HCRTR1: variants seen among roughly 807,000 people sequenced by gnomAD.
HCRTR1 encodes the protein orexin/Hypocretin receptor type 1.
In HCRTR1, 28 loss-of-function variants were observed where a neutral mutation model predicts 40.6. The ratio of observed to expected loss-of-function variants is 0.69; its 90% CI spans 0.51 to 0.95. The LOEUF (loss-of-function observed/expected upper bound fraction) is 0.95, where lower values mean the gene tolerates loss of function less well. Ranked by LOEUF, HCRTR1 falls within the 40% of genes least tolerant of loss-of-function variation. The pLI is 0.00. For synonymous variants in HCRTR1, 209 were observed against 230.0 expected (o/e 0.91, Z 0.83); for missense variants, 482 against 564.7 (o/e 0.85, Z 1.48).
chr1:31,632,736 G>C, downstream of HCRTR1: 1 of 1,414,922 alleles, frequency 7.1e-7, no homozygotes, highest in Non-Finnish European at 9.5e-7. Flanking sequence ...CTCCAGGCTG[G>C]AGTAGGCGAC....
downstream of HCRTR1, chr1:31,632,460 T>G (rs747864929): frequency 1.2e-6 from 2 of 1,614,230 alleles, no homozygotes; most frequent in South Asian, 2.2e-5. Context: ...AGTCTAGCTC[T>G]GTCCTGCCCA....
chr1:31,632,308 T>C, downstream of HCRTR1: 1 of 1,011,030 alleles, frequency 9.9e-7, no homozygotes, highest in Non-Finnish European at 1.5e-6. Context: ...TTCCTTGCCC[T>C]GGCTCTTGGC....
intron 6 of HCRTR1, among the ~76,000 whole-genome samples, chr1:31,622,865 G>T (rs1349682561): frequency 6.7e-6 from 1 of 148,796 alleles, no homozygotes; most frequent in Non-Finnish European, 1.5e-5. Context: ...TACCCTCAAA[G>T]ATAGTGTTGG....
intron 7 of HCRTR1, among the ~76,000 whole-genome samples, chr1:31,624,176 G>C (rs371939453): frequency 2.6e-5 from 4 of 152,236 alleles, no homozygotes; most frequent in African/African-American, 9.6e-5. Context: ...AAAAAGCAGG[G>C]GGCCGGGTGC....
rs139073359 is a variant in HCRTR1 at position 31,623,183 on chromosome 1, G to T, written c.739-340G>T. On this transcript the variant is annotated intron_variant, in intron 6 of 8. Transcript: ENST00000403528. Reference sequence around the variant, plus strand: ...ATCTCTACTAAAAATACAAAACTTAGCCCGGTGTGGTGGCGCACACCTGTA... The same window carrying T: ...ATCTCTACTAAAAATACAAAACTTATCCCGGTGTGGTGGCGCACACCTGTA... Among the ~76,000 whole-genome samples the T allele has an allele frequency of 7.9e-5, 12 of 151,726 alleles. No individual in the cohort carries two copies. The East Asian group carries it at 2.3e-3, about 29-fold the overall frequency.
chr1:31,628,617 C>T (rs763743717), downstream of HCRTR1, among the ~76,000 whole-genome samples: 13 of 152,248 alleles, frequency 8.5e-5, no homozygotes, highest in Non-Finnish European at 7.3e-5. Context: ...TTGGCACCAT[C>T]GGGTTTCAGC....
intron 4 of HCRTR1, 28 bp from the exon 5 acceptor site, chr1:31,620,815 T>C: frequency 6.2e-7 from 1 of 1,603,612 alleles, no homozygotes; most frequent in African/African-American, 1.3e-5. Context: ...GCCCCCAAAA[T>C]GACCGACGTT....
Position 31,626,978 on chromosome 1 carries a change from T to C in HCRTR1, c.1276T>C (p.Ter426ArgextTer25), listed in dbSNP as rs1264078522. The change falls in exon 9 of 9, where the codon TGA becomes CGA. Residue 426 changes from the stop codon to arginine (R), a stop_lost. Transcript: ENST00000403528. The surrounding 1 kb of genome is among the most constrained non-coding windows in gnomAD (Gnocchi z 4.6). ...VLTSVTTVLP[*>R] ...CACCAGCGTCACCACAGTGCTGCCC[T>C]GAGCGAGGGCTGCCCTGGAGGCTCC... is the stretch of plus-strand genomic sequence containing the variant. 7 of 1,609,914 alleles carry C rather than the reference T, an allele frequency of 4.3e-6. No homozygotes were observed. The highest frequency in any genetic ancestry group is 5.9e-6 in the Non-Finnish European group (7 of 1,178,734).
intron 4 of HCRTR1, 37 bp from the exon 5 acceptor site, chr1:31,620,806 C>A (rs16834629): frequency 6.3e-7 from 1 of 1,598,114 alleles, no homozygotes; most frequent in Non-Finnish European, 8.5e-7. Flanking sequence ...CGCTGGGTGG[C>A]CCCCAAAATG....
At chr1:31,633,252 G>C, downstream of HCRTR1, 1 of 1,614,076 alleles carries the variant, frequency 6.2e-7, no homozygotes, top group Non-Finnish European at 8.5e-7. Context: ...TAGCCACTGT[G>C]ATCTGAGTCC....
chr1:31,619,540 G>A lies in HCRTR1; in HGVS notation c.208G>A (p.Ala70Thr), dbSNP rs973396791. Reference protein sequence around the residue: ...ALVGNTLVCLAVWRNHHMRTV... With the variant: ...ALVGNTLVCLTVWRNHHMRTV... ...CTCGCTGCACCCTGCAGTCTGCCTG[G>A]CCGTGTGGCGGAACCACCACATGAG... Residue 70 changes from alanine (A) to threonine (T), a missense_variant, in exon 4 of 9, where the codon GCC (alanine) becomes ACC (threonine). Transcript: ENST00000403528. 2 of 1,613,946 alleles carry A rather than the reference G, an allele frequency of 1.2e-6. No individual in the cohort carries two copies. Among genetic ancestry groups the A allele is most frequent in the African/African-American group, 1.3e-5 (1 of 74,936 alleles).
chr1:31,620,134 C>A (rs1352850191), intron 4 of HCRTR1, among the ~76,000 whole-genome samples: 1 of 152,196 alleles, frequency 6.6e-6, no homozygotes, highest in African/African-American at 2.4e-5. Context: ...CCAGGAAAGA[C>A]CCCAGTGGTG....
downstream of HCRTR1, among the ~76,000 whole-genome samples, chr1:31,627,892 G>A (rs1035509228): frequency 6.6e-6 from 1 of 152,226 alleles, no homozygotes; most frequent in Admixed American, 6.5e-5. Flanking sequence ...AAGGGGGGCC[G>A]GGTGGGCAGA....
intron 6 of HCRTR1, 31 bp downstream of exon 6, chr1:31,621,623 A>G (rs767278739): frequency 6.8e-7 from 1 of 1,460,238 alleles, no homozygotes; most frequent in Non-Finnish European, 9.6e-7. Context: ...GGGCTAGGCC[A>G]GTCACTGTGT....
In HCRTR1 at chr1:31,621,580, C is replaced by T. The variant is rs201931199; in HGVS notation, c.726C>T (p.Leu242=). ...CCTATTTCCAGATATTCCGCAAGCTCTGGGGCCGCCAGGTGAGGCCCACTC... is the reference window on the plus strand; with the variant it reads ...CCTATTTCCAGATATTCCGCAAGCTTTGGGGCCGCCAGGTGAGGCCCACTC... ...AMAYFQIFRK[L]WGRQIPGTTS... is the part of the protein sequence containing the mutation. The change falls in exon 6 of 9, where the codon CTC becomes CTT. Residue 242 remains leucine (L), a synonymous_variant. Coordinates refer to ENST00000403528, the MANE Select transcript of HCRTR1 (RefSeq NM_001525.3). The T allele has an allele frequency of 6.2e-7, 1 of 1,612,832 alleles. No homozygotes were observed. Among genetic ancestry groups the T allele is most frequent in the East Asian group, 2.2e-5 (1 of 44,878 alleles).
At chr1:31,633,084 C>T, downstream of HCRTR1, 1 of 1,497,140 alleles carries the variant, frequency 6.7e-7, no homozygotes, top group East Asian at 2.3e-5. Flanking sequence ...TGTCCACCCA[C>T]CCACCTACCC....
rs1438264979 is a variant in HCRTR1, at chr1:31,621,041, G to C, written c.577G>C (p.Ala193Pro). The C allele has an allele frequency of 3.7e-6, 6 of 1,612,180 alleles. No homozygotes were observed. The highest frequency in any genetic ancestry group is 5.1e-6 in the Non-Finnish European group (6 of 1,179,990). ...MECSSVLPELANRTRLFSVCD... is the reference protein window; with the variant it reads ...MECSSVLPELPNRTRLFSVCD... The stretch of plus-strand genomic sequence containing the variant: ...ATGCAGCAGTGTGCTGCCTGAGCTA[G>C]CCAACCGCACACGGCTCTTCTCAGT... The change falls in exon 5 of 9, where the codon GCC (alanine) becomes CCC (proline). Residue 193 changes from alanine to proline, a missense_variant. Physicochemically the swap from Ala to Pro is conservative, Grantham distance 27. Transcript: ENST00000403528.
rs1014253492 is a variant in HCRTR1, at chr1:31,623,793, T to C, written c.965+44T>C. The C allele has an allele frequency of 6.1e-6, 9 of 1,474,390 alleles. 1 individual carries two copies. The highest frequency in any genetic ancestry group is 1.7e-4 in the Middle Eastern group (1 of 5,772). 91.3% of individuals were successfully genotyped at this position (1,474,390 alleles called of 1,614,324 possible). A position where few individuals can be genotyped will look rare whatever the true frequency, so the allele number is the denominator to read the frequency against. The stretch of plus-strand genomic sequence containing the variant: ...GTTGGGGTGGGGAGAAGTTTGAGGT[T>C]GGGGAAGGAGCTCTCCTTGCTTGGG... On this transcript the variant is annotated intron_variant, in intron 7 of 8. Coordinates refer to ENST00000403528, the MANE Select transcript of HCRTR1 (RefSeq NM_001525.3).
chr1:31,626,909 C>G lies in HCRTR1; in HGVS notation c.1207C>G (p.Gln403Glu). 1 of 1,614,000 alleles carries G rather than the reference C, an allele frequency of 6.2e-7. No individual in the cohort carries two copies. Among genetic ancestry groups the G allele is most frequent in the Non-Finnish European group, 8.5e-7 (1 of 1,180,042 alleles). The change falls in exon 9 of 9, where the codon CAG (glutamine) becomes GAG (glutamate). Residue 403 changes from glutamine to glutamate, a missense_variant. Transcript: ENST00000403528. This position sits in a 1 kb window ranked among gnomAD's most constrained non-coding sequence, Gnocchi z 4.6. ...TGCCAGCCACAAGTCCTTGTCCTTGCAGAGCCGATGCTCCATCTCCAAAAT... is the reference window on the plus strand; with the variant it reads ...TGCCAGCCACAAGTCCTTGTCCTTGGAGAGCCGATGCTCCATCTCCAAAAT... ...SSASHKSLSL[Q>E]SRCSISKISE...
Sources: allele counts gnomAD v4.1 joint callset (sites outside exome capture counted in the v4.1 genomes callset), GRCh38; gene constraint gnomAD v4.1.1; non-coding constraint Gnocchi (gnomAD v3.1); transcripts MANE v1.5; gene names NCBI Gene and HGNC (gene_info 2026-07-23, HGNC 2026-07-21).